CUX1: variants seen among roughly 807,000 people sequenced by gnomAD.
CUX1 encodes the protein cut like homeobox 1.
In CUX1, 31 loss-of-function variants were observed where a neutral mutation model predicts 158.8. The observed-to-expected ratio is 0.20, with a 90% CI of 0.15 to 0.26. The LOEUF (loss-of-function observed/expected upper bound fraction) is 0.26, where lower values mean the gene tolerates loss of function less well. Ranked by LOEUF, CUX1 falls within the 10% of genes least tolerant of loss-of-function variation. The pLI is 1.00. For missense variants in CUX1, 1,589 were observed against 2,014.6 expected, an observed-to-expected ratio of 0.79 and a Z score of 4.04; for synonymous variants, 879 against 862.1, an observed-to-expected ratio of 1.02 and a Z score of -0.34.
chr7:102,139,869 G>C (rs1218462465), intron 8 of CUX1, among the ~76,000 whole-genome samples: 1 of 151,668 alleles, frequency 6.6e-6, no homozygotes, highest in Non-Finnish European at 1.5e-5. Flanking sequence ...CATTGCCCAG[G>C]CTGGTCTCAA....
intron 20 of CUX1, among the ~76,000 whole-genome samples, chr7:102,206,913 C>T (rs1796011374): frequency 6.6e-6 from 1 of 151,894 alleles, no homozygotes; most frequent in African/African-American, 2.4e-5. Flanking sequence ...ACAAAAAAAA[C>T]CCTCGTCCTA....
chr7:101,891,847 G>A (rs1293059464), intron 1 of CUX1, among the ~76,000 whole-genome samples: 5 of 152,280 alleles, frequency 3.3e-5, no homozygotes, highest in African/African-American at 9.6e-5. Context: ...AAACCAATTG[G>A]AATGGGTATT....
intron 2 of CUX1, among the ~76,000 whole-genome samples, chr7:101,977,889 T>A (rs1175788583): frequency 2.0e-5 from 3 of 152,182 alleles, no homozygotes; most frequent in Admixed American, 6.5e-5. Context: ...CAGCAGAATG[T>A]GTGAAAATTA....
At chr7:102,208,701 A>G (rs1414934887) in intron 20 of CUX1, among the ~76,000 whole-genome samples, 1 of 152,150 alleles carries the variant, frequency 6.6e-6, no homozygotes, top group Non-Finnish European at 1.5e-5. Flanking sequence ...CCTCTGTCCT[A>G]AGATTGCTAC....
intron 21 of CUX1, among the ~76,000 whole-genome samples, chr7:102,232,737 T>C (rs1799139223): frequency 6.6e-6 from 1 of 152,180 alleles, no homozygotes; most frequent in Admixed American, 6.5e-5. Flanking sequence ...GCCAACTCAA[T>C]GCGGCTGTGC....
At chr7:102,021,021 G>A (rs955359253) in intron 2 of CUX1, among the ~76,000 whole-genome samples, 1 of 152,052 alleles carries the variant, frequency 6.6e-6, no homozygotes, top group Non-Finnish European at 1.5e-5. Flanking sequence ...GGTCCCTAAG[G>A]GTCCCCACCT....
intron 1 of CUX1, among the ~76,000 whole-genome samples, chr7:101,821,048 T>A (rs2130899201): frequency 6.6e-6 from 1 of 152,306 alleles, no homozygotes; most frequent in African/African-American, 2.4e-5. Flanking sequence ...AGTGTGTGTG[T>A]GTGCCGATAA....
chr7:102,063,371 G>A (rs1394788146), intron 3 of CUX1, among the ~76,000 whole-genome samples: 3 of 124,482 alleles, frequency 2.4e-5, no homozygotes, highest in African/African-American at 7.0e-5. Context: ...TACATATTAA[G>A]TATTTCCTTT....
intron 14 of CUX1, among the ~76,000 whole-genome samples, chr7:102,268,719 G>A (rs1222928303): frequency 6.6e-6 from 1 of 152,114 alleles, no homozygotes; most frequent in Admixed American, 6.6e-5. Context: ...TTGGCTTCTG[G>A]GGAGGCGTTG....
intron 3 of CUX1, among the ~76,000 whole-genome samples, chr7:102,030,521 C>T (rs1466066581): frequency 1.3e-5 from 2 of 152,066 alleles, no homozygotes; most frequent in African/African-American, 4.8e-5. Context: ...AAATATCACA[C>T]CTGGGAAAAT....
chr7:102,111,343 A>G (rs560534930), intron 6 of CUX1, among the ~76,000 whole-genome samples: 1 of 152,312 alleles, frequency 6.6e-6, no homozygotes, highest in Non-Finnish European at 1.5e-5. Flanking sequence ...TAAATGGATC[A>G]TTCTTCTTGC....
chr7:102,273,345 C>T (rs1791364846), intron 14 of CUX1: 1 of 1,608,906 alleles, frequency 6.2e-7, no homozygotes, highest in Admixed American at 1.7e-5. Context: ...CTCTGACGGC[C>T]ATGTCTTCCT....
chr7:102,246,794 G>A (rs1216050962), intron 23 of CUX1, among the ~76,000 whole-genome samples: 2 of 152,108 alleles, frequency 1.3e-5, no homozygotes, highest in South Asian at 2.1e-4. Flanking sequence ...GGTCTCGAAC[G>A]CCGGGCCTCA....
At chr7:102,208,178 A>G (rs549619694) in intron 20 of CUX1, among the ~76,000 whole-genome samples, 30 of 151,852 alleles carry the variant, frequency 2.0e-4, no homozygotes, top group Non-Finnish European at 2.6e-4. Flanking sequence ...ACAGACGGAG[A>G]CCCTGTCTCA....
At chr7:101,833,902 G>C (rs570285973) in intron 1 of CUX1, among the ~76,000 whole-genome samples, 2 of 152,058 alleles carry the variant, frequency 1.3e-5, no homozygotes, top group African/African-American at 4.8e-5. Flanking sequence ...TCCTTCTAAC[G>C]GGGGGTGCAG....
intron 2 of CUX1, among the ~76,000 whole-genome samples, chr7:101,963,288 T>G (rs996975226): frequency 6.6e-6 from 1 of 152,164 alleles, no homozygotes; most frequent in East Asian, 1.9e-4. Context: ...TTCTGCTCAT[T>G]GGGTGGGGGA....
chr7:101,882,777 G>A (rs952956696), intron 1 of CUX1, among the ~76,000 whole-genome samples: 3 of 152,202 alleles, frequency 2.0e-5, no homozygotes, highest in Admixed American at 6.5e-5. Context: ...CTCTGTGGGC[G>A]TGGGATGGAG....
At chr7:101,992,829 ATTG>A (rs1442845627) in intron 2 of CUX1, among the ~76,000 whole-genome samples, 1 of 51,862 alleles carries the variant, frequency 1.9e-5, no homozygotes, top group Non-Finnish European at 3.8e-5. Flanking sequence ...GAGTTTTTTT[ATTG>A]TTGTTCATGG....
chr7:101,963,316 G>T (rs554301815), intron 2 of CUX1, among the ~76,000 whole-genome samples: 1 of 152,312 alleles, frequency 6.6e-6, no homozygotes, highest in South Asian at 2.1e-4. Context: ...CATGGGTTAG[G>T]TGCCCATCCG....
Sources: gnomAD v4.1 joint callset for allele counts (sites outside exome capture counted in the v4.1 genomes callset) on GRCh38, gnomAD v4.1.1 for gene constraint, MANE v1.5 for transcripts, NCBI Gene and HGNC (gene_info 2026-07-23, HGNC 2026-07-21) for gene names.